The following VAV3 variants were observed in gnomAD, a reference collection of about 807,000 sequenced individuals.
VAV3 encodes vav guanine nucleotide exchange factor 3.
In VAV3, 94 loss-of-function variants were observed where a neutral mutation model predicts 131.2. The observed-to-expected ratio is 0.72, with a 90% confidence interval of 0.61 to 0.85. The LOEUF (loss-of-function observed/expected upper bound fraction) is 0.85. Among genes scored for constraint, VAV3 ranks in the 40% least tolerant of loss-of-function variants. The pLI is 0.00. For synonymous variants in VAV3, 349 were observed against 342.0 expected (o/e 1.02, Z -0.22); for missense variants, 939 against 1,002.7 (o/e 0.94, Z 0.86).
intron 2 of VAV3, among the ~76,000 whole-genome samples, chr1:107,873,369 A>G (rs553819853): frequency 2.0e-3 from 309 of 152,280 alleles, no homozygotes; most frequent in Non-Finnish European, 3.7e-3. Flanking sequence ...TTCCTTAATG[A>G]GCTTTAAAAA....
chr1:107,700,734 C>T (rs1390388672), intron 17 of VAV3, among the ~76,000 whole-genome samples: 1 of 152,132 alleles, frequency 6.6e-6, no homozygotes, highest in Non-Finnish European at 1.5e-5. Context: ...GTGCTTTTGC[C>T]ATTGTGAATA....
intron 20 of VAV3, among the ~76,000 whole-genome samples, chr1:107,634,710 T>C (rs1266010270): frequency 1.3e-5 from 2 of 149,146 alleles, no homozygotes; most frequent in African/African-American, 2.4e-5. Flanking sequence ...AGAAAATTTT[T>C]GCAATCTACT....
intron 4 of VAV3, among the ~76,000 whole-genome samples, chr1:107,774,896 T>A (rs997224808): frequency 1.5e-4 from 22 of 144,174 alleles, no homozygotes; most frequent in Admixed American, 1.4e-4. Flanking sequence ...CAAGCATGTC[T>A]AGGGATAATA....
At chr1:107,597,702 A>G (rs1432666692) in intron 24 of VAV3, among the ~76,000 whole-genome samples, 1 of 152,242 alleles carries the variant, frequency 6.6e-6, no homozygotes, top group East Asian at 1.9e-4. Flanking sequence ...CACCTTTCAT[A>G]AGCTAAAAGC....
At chr1:107,949,779 T>A (rs1005072718) in intron 1 of VAV3, among the ~76,000 whole-genome samples, 1 of 152,214 alleles carries the variant, frequency 6.6e-6, no homozygotes. Context: ...ACTTATGCAT[T>A]TCTTGTGTGG....
intron 2 of VAV3, among the ~76,000 whole-genome samples, chr1:107,797,890 A>G (rs1249916952): frequency 6.6e-6 from 1 of 152,132 alleles, no homozygotes; most frequent in Non-Finnish European, 1.5e-5. Flanking sequence ...AGATTTTCCA[A>G]CTCAGTAGGG....
At chr1:107,863,485 C>A (rs1669838304) in intron 2 of VAV3, among the ~76,000 whole-genome samples, 1 of 152,190 alleles carries the variant, frequency 6.6e-6, no homozygotes, top group Non-Finnish European at 1.5e-5. Context: ...TTGTCAGAAT[C>A]AGTGCAGACC....
At chr1:107,608,829 G>C (rs144904501) in intron 22 of VAV3, among the ~76,000 whole-genome samples, 1 of 152,182 alleles carries the variant, frequency 6.6e-6, no homozygotes, top group Admixed American at 6.5e-5. Flanking sequence ...AACCCAACTA[G>C]TACTATATAT....
At chr1:107,892,912 G>A (rs945926056) in intron 1 of VAV3, among the ~76,000 whole-genome samples, 1 of 152,134 alleles carries the variant, frequency 6.6e-6, no homozygotes, top group African/African-American at 2.4e-5. Flanking sequence ...CCTTTCTCAT[G>A]TGCCCATTTG....
intron 25 of VAV3, among the ~76,000 whole-genome samples, chr1:107,577,210 G>T (rs1228455755): frequency 6.6e-6 from 1 of 152,202 alleles, no homozygotes; most frequent in Non-Finnish European, 1.5e-5. Flanking sequence ...CTAAGAGGAA[G>T]GTACTAATAT....
intron 1 of VAV3, among the ~76,000 whole-genome samples, chr1:107,933,257 T>C (rs1673541638): frequency 6.6e-6 from 1 of 151,864 alleles, no homozygotes; most frequent in Non-Finnish European, 1.5e-5. Flanking sequence ...TTTAATTTGG[T>C]TGGTGGTGGT....
At chr1:107,593,578 T>C (rs1412810967) in intron 25 of VAV3, among the ~76,000 whole-genome samples, 1 of 152,090 alleles carries the variant, frequency 6.6e-6, no homozygotes, top group African/African-American at 2.4e-5. Context: ...TTTTAGATGA[T>C]AGCAGCATAC....
chr1:107,820,073 T>A (rs112590700), intron 2 of VAV3, among the ~76,000 whole-genome samples: 14,176 of 151,970 alleles, frequency 0.093, 834 homozygotes, highest in East Asian at 0.25. Context: ...ACTAAAAATA[T>A]AACTACCATA....
chr1:107,960,758 C>T (rs1675045566), intron 1 of VAV3, among the ~76,000 whole-genome samples: 1 of 152,100 alleles, frequency 6.6e-6, no homozygotes, highest in African/African-American at 2.4e-5. Context: ...TTTTTCCAAA[C>T]ATTGACATTC....
At chr1:107,604,459 C>T (rs1318518847) in intron 22 of VAV3, among the ~76,000 whole-genome samples, 1 of 152,200 alleles carries the variant, frequency 6.6e-6, no homozygotes, top group Non-Finnish European at 1.5e-5. Context: ...ATGCCTACCT[C>T]TCTTCAACCT....
At chr1:107,627,335 T>TC (rs1654100578) in intron 20 of VAV3, among the ~76,000 whole-genome samples, 1 of 152,166 alleles carries the variant, frequency 6.6e-6, no homozygotes. Flanking sequence ...AATCAACCAA[T>TC]CTCTTCAGAA....
intron 1 of VAV3, among the ~76,000 whole-genome samples, chr1:107,948,378 G>A (rs1306930031): frequency 6.6e-6 from 1 of 152,134 alleles, no homozygotes; most frequent in Non-Finnish European, 1.5e-5. Flanking sequence ...AGGGTCATTA[G>A]TGTTCTGTAA....
intron 15 of VAV3, among the ~76,000 whole-genome samples, chr1:107,735,255 G>A (rs1490761783): frequency 6.6e-6 from 1 of 152,086 alleles, no homozygotes; most frequent in Non-Finnish European, 1.5e-5. Context: ...GGAGAAAGCA[G>A]GAAAGATCTA....
At chr1:107,826,703 C>A (rs1046383152) in intron 2 of VAV3, among the ~76,000 whole-genome samples, 42 of 152,258 alleles carry the variant, frequency 2.8e-4, no homozygotes, top group African/African-American at 9.1e-4. Context: ...TCATTACAGC[C>A]AAAGTGCTCT....
Sources: allele counts gnomAD v4.1 joint callset (sites outside exome capture counted in the v4.1 genomes callset), GRCh38; gene constraint gnomAD v4.1.1; transcripts MANE v1.5; gene names NCBI Gene and HGNC (gene_info 2026-07-23, HGNC 2026-07-21).